The following NAP1L4 variants were observed in gnomAD, a reference collection of about 807,000 sequenced individuals.
NAP1L4 encodes nucleosome assembly protein 1 like 4, also known as nucleosome assembly protein 1-like 4.
In NAP1L4, 15 loss-of-function variants were observed where a neutral mutation model predicts 58.2. That is an observed-to-expected ratio of 0.26 (90% CI 0.17 to 0.40). NAP1L4 has a LOEUF of 0.40. Among genes scored for constraint, NAP1L4 ranks in the 10% least tolerant of loss-of-function variants. The pLI, the probability that NAP1L4 is intolerant of heterozygous loss-of-function variation, is 1.00. For missense variants in NAP1L4, 384 were observed against 451.1 expected (o/e 0.85, Z 1.35); for synonymous variants, 171 against 155.6 (o/e 1.10, Z -0.74).
rs1355359972 is a variant in NAP1L4 at position 2,971,480 on chromosome 11, G to A, written c.370C>T (p.His124Tyr). The change falls in exon 6 of 16, where the codon CAC becomes TAC. Residue 124 changes from histidine to tyrosine, a missense_variant. By Grantham distance (83) the His-to-Tyr change is moderately conservative (BLOSUM62 2). This residue lies in a region of NAP1L4 where 296 missense variants were observed against 360.8 expected (regional missense o/e 0.82). Transcript: ENST00000380542. This position sits in a 1 kb window ranked among gnomAD's most constrained non-coding sequence, Gnocchi z 4.2. ...VEPTDAESEW[H>Y]SENEEEEKLA... ...TTCTCTTCCTCTTCATTTTCACTGT[G>A]CCATTCCGATTCCGCATCTGTTGGT... 4 of 1,613,828 alleles carry A rather than the reference G, an allele frequency of 2.5e-6. No individual in the cohort carries two copies. The highest frequency in any genetic ancestry group is 1.3e-5 in the African/African-American group (1 of 75,024).
chr11:2,972,979 G>GA (rs1008749506), intron 4 of NAP1L4, among the ~76,000 whole-genome samples: 17 of 148,444 alleles, frequency 1.1e-4, no homozygotes, highest in African/African-American at 2.5e-4. Flanking sequence ...TTACCAAAAG[G>GA]AAAAAAAAAA....
chr11:2,971,302 A>G lies in NAP1L4; in HGVS notation c.402+146T>C, dbSNP rs1847624071. Reference sequence around the variant, plus strand: ...CTGTGTCAGATGCTAGATCCATATCAGAAAGGAATCTAAACCCAACCTAAT... The same window carrying G: ...CTGTGTCAGATGCTAGATCCATATCGGAAAGGAATCTAAACCCAACCTAAT... On this transcript the variant is annotated intron_variant, in intron 6 of 15. Transcript: ENST00000380542. The surrounding 1 kb of genome is among the most constrained non-coding windows in gnomAD (Gnocchi z 4.2). 4.7e-6 allele frequency: 3 copies of G among 644,344 alleles called. 1 individual carries two copies. The highest frequency in any genetic ancestry group is 8.0e-6 in the Non-Finnish European group (3 of 373,298). The allele number at this position is 644,344 out of a possible 1,614,324, so 39.9% of individuals were successfully genotyped here. A position where few individuals can be genotyped will look rare whatever the true frequency, so the allele number is the denominator to read the frequency against.
intron 6 of NAP1L4, among the ~76,000 whole-genome samples, chr11:2,970,444 G>A (rs959669641): frequency 3.3e-5 from 5 of 151,954 alleles, no homozygotes; most frequent in African/African-American, 1.2e-4. Flanking sequence ...AAAAATTGCC[G>A]CAGCAGTATC....
In NAP1L4 at chr11:2,958,439, T is replaced by C; in HGVS notation, c.852A>G (p.Val284=). The change falls in exon 10 of 16, where the codon GTA becomes GTG. Residue 284 remains valine, a synonymous_variant. Transcript: ENST00000380542. ...AGAAGTTGAAAAAGGACTCATTGGG[T>C]ACTTGTTTCGTAATTGTTCTAACAG... The part of the protein sequence containing the change: ...RGTVRTITKQ[V]PNESFFNFFN... The C allele has an allele frequency of 6.2e-7, 1 of 1,614,190 alleles. No homozygotes were observed. The highest frequency in any genetic ancestry group is 8.5e-7 in the Non-Finnish European group (1 of 1,180,028).
At chr11:2,974,622 G>A (rs899627044) in intron 4 of NAP1L4, among the ~76,000 whole-genome samples, 2 of 152,112 alleles carry the variant, frequency 1.3e-5, no homozygotes, top group African/African-American at 4.8e-5. Flanking sequence ...TAGGCCAGGC[G>A]CAGTGGCTCA....
rs1255344005 is a variant in NAP1L4, at chr11:2,954,881, A to G, written c.916-235T>C. On this transcript the variant is annotated intron_variant, in intron 11 of 15. Coordinates refer to ENST00000380542, the MANE Select transcript of NAP1L4 (RefSeq NM_005969.4). The surrounding 1 kb of genome is among the most constrained non-coding windows in gnomAD (Gnocchi z 4.8). ...AGAAAGTGGGAAGTGAGGGCCCTAC[A>G]GCTCCACAACTTGTCCAAAGGTCTC... 7 of 578,008 alleles carry G rather than the reference A, an allele frequency of 1.2e-5. No individual in the cohort carries two copies. In the East Asian group the frequency reaches 2.1e-4, roughly 17 times the overall value. 35.8% of individuals were successfully genotyped at this position (578,008 alleles called of 1,614,324 possible).
intron 7 of NAP1L4, among the ~76,000 whole-genome samples, chr11:2,967,376 G>C (rs1847344925): frequency 6.6e-6 from 1 of 152,180 alleles, no homozygotes; most frequent in Admixed American, 6.5e-5. Flanking sequence ...ACTTTGGGAG[G>C]CCAAGGCAGG....
intron 8 of NAP1L4, among the ~76,000 whole-genome samples, chr11:2,961,881 TCCC>T (rs879529948): frequency 2.4e-3 from 364 of 152,278 alleles, no homozygotes; most frequent in Middle Eastern, 0.017. Flanking sequence ...CTTTTTTCTC[TCCC>T]CTCTGCCTTT....
At chr11:2,960,003 T>A in intron 8 of NAP1L4, 94 bp from the exon 9 acceptor site, 1 of 1,335,962 alleles carries the variant, frequency 7.5e-7, no homozygotes, top group African/African-American at 1.5e-5. Flanking sequence ...GAAGCTATTT[T>A]GGGAAAGCTC....
At chr11:2,983,787 C>T (rs1848463586) in intron 1 of NAP1L4, 1 of 152,074 alleles carries the variant, frequency 6.6e-6, no homozygotes, top group Non-Finnish European at 1.5e-5. Flanking sequence ...TTCAGACCAG[C>T]CTGGGCAACA....
intron 3 of NAP1L4, 99 bp from the exon 4 acceptor site, chr11:2,976,222 T>A (rs1847949273): frequency 1.4e-5 from 11 of 765,250 alleles, no homozygotes; most frequent in Middle Eastern, 2.4e-4. Context: ...TTTGCCTAGA[T>A]TTACATCTAC....
chr11:2,956,625 C>T (rs945370255), intron 10 of NAP1L4, among the ~76,000 whole-genome samples: 4 of 152,162 alleles, frequency 2.6e-5, no homozygotes, highest in African/African-American at 9.7e-5. Flanking sequence ...GGCAGAGTTC[C>T]CAAGCCTCGG....
At chr11:2,963,542 G>A (rs1847077371) in intron 8 of NAP1L4, among the ~76,000 whole-genome samples, 2 of 152,164 alleles carry the variant, frequency 1.3e-5, no homozygotes, top group South Asian at 4.2e-4. Context: ...AAACAGACAG[G>A]AAAAAGTAGA....
rs193277791 is a variant in NAP1L4 at position 2,987,584 on chromosome 11, G to A, written c.-18+4670C>T. Among the ~76,000 whole-genome samples the A allele has an allele frequency of 1.2e-3, 188 of 151,256 alleles. 1 individual carries two copies. The highest frequency in any genetic ancestry group is 2.3e-3 in the Non-Finnish European group (157 of 67,752). ...CAGCCTGACCAATATGGTGAAACCC[G>A]TCTCTACTAAAAAGATACAAAAATT... On this transcript the variant is annotated intron_variant, in intron 1 of 15. Coordinates refer to ENST00000380542, the MANE Select transcript of NAP1L4 (RefSeq NM_005969.4).
In NAP1L4 at chr11:2,946,606, A is replaced by G. The variant is rs990930244; in HGVS notation, c.*33-960T>C. Among the ~76,000 whole-genome samples, 7 of 152,208 alleles carry G rather than the reference A, an allele frequency of 4.6e-5. No individual in the cohort carries two copies. The highest frequency in any genetic ancestry group is 3.3e-4 in the Admixed American group (5 of 15,282). On this transcript the variant is annotated intron_variant, in intron 15 of 15. Transcript: ENST00000380542. This position sits in a 1 kb window ranked among gnomAD's most constrained non-coding sequence, Gnocchi z 4.8. ...AAAGATCCCTGGGTTACCATAAATG[A>G]TATCTTCCACAGTATAAGCTGAGGC...
chr11:2,949,204 G>C lies in NAP1L4; in HGVS notation c.*32+23C>G. On this transcript the variant is annotated intron_variant, in intron 15 of 15. Coordinates refer to ENST00000380542, the MANE Select transcript of NAP1L4 (RefSeq NM_005969.4). This position sits in a 1 kb window ranked among gnomAD's most constrained non-coding sequence, Gnocchi z 4.0. ...TATAGATCAGAAGTTTGGAAGTTAGGTATGAATGGAATTCCACCTTACCTA... is the reference window on the plus strand; with the variant it reads ...TATAGATCAGAAGTTTGGAAGTTAGCTATGAATGGAATTCCACCTTACCTA... 1.3e-6 allele frequency: 2 copies of C among 1,554,708 alleles called. No homozygotes were observed.
chr11:2,977,703 G>A (rs7117177), intron 3 of NAP1L4, among the ~76,000 whole-genome samples: 7,870 of 152,094 alleles, frequency 0.052, 693 homozygotes, highest in African/African-American at 0.18. Context: ...ATTGTTTTAG[G>A]AAAATAGATA....
At chr11:2,987,406 C>A (rs1047005928) in intron 1 of NAP1L4, among the ~76,000 whole-genome samples, 14 of 151,646 alleles carry the variant, frequency 9.2e-5, no homozygotes, top group Admixed American at 3.9e-4. Context: ...CAGCTTCCCC[C>A]AAAGTGCTGT....
At position 2,972,095 on chromosome 11, in the gene NAP1L4, T is replaced by C. The variant is rs1223425014; in HGVS notation, c.315+7A>G. 3 of 1,552,206 alleles carry C rather than the reference T, an allele frequency of 1.9e-6. No individual in the cohort carries two copies. The African/African-American group carries it at 4.2e-5, about 22-fold the overall frequency. The stretch of plus-strand genomic sequence containing the variant: ...TATCTGTATATTAAATTAACAGAGC[T>C]CCCTACCTTGTCAAAGAGAGGCTGG... On this transcript the variant is annotated splice_region_variant and intron_variant, in intron 5 of 15. Coordinates refer to ENST00000380542, the MANE Select transcript of NAP1L4 (RefSeq NM_005969.4).
Sources: allele counts gnomAD v4.1 joint callset (sites outside exome capture counted in the v4.1 genomes callset), GRCh38; gene constraint gnomAD v4.1.1; regional missense constraint gnomAD v4.1.1; non-coding constraint Gnocchi (gnomAD v3.1); transcripts MANE v1.5; gene names NCBI Gene and HGNC (gene_info 2026-07-23, HGNC 2026-07-21).